The following CNTNAP2 variants were observed in gnomAD, a reference collection of about 807,000 sequenced individuals.
The protein encoded by CNTNAP2 is contactin associated protein 2.
A neutral mutation model predicts 155.2 loss-of-function variants in CNTNAP2; 98 were observed. The ratio of observed to expected loss-of-function variants is 0.63; its 90% CI spans 0.54 to 0.75. CNTNAP2 has a LOEUF of 0.75. Among genes scored for constraint, CNTNAP2 ranks in the 30% least tolerant of loss-of-function variants. The pLI is 0.00. For missense variants in CNTNAP2, 1,727 were observed against 1,688.1 expected (o/e 1.02, Z -0.40); for synonymous variants, 651 against 631.2 (o/e 1.03, Z -0.47).
At chr7:148,074,614 G>T (rs1260115913) in intron 15 of CNTNAP2, among the ~76,000 whole-genome samples, 1 of 151,998 alleles carries the variant, frequency 6.6e-6, no homozygotes, top group Non-Finnish European at 1.5e-5. Context: ...GCTTGAACTC[G>T]GAGGTGGAGG....
At chr7:148,171,297 C>T (rs540636831) in intron 17 of CNTNAP2, among the ~76,000 whole-genome samples, 3 of 152,254 alleles carry the variant, frequency 2.0e-5, no homozygotes, top group East Asian at 1.9e-4. Context: ...TTTCTAAATG[C>T]TCATCACCTA....
At chr7:146,612,626 T>C (rs140793108) in intron 1 of CNTNAP2, among the ~76,000 whole-genome samples, 3 of 151,960 alleles carry the variant, frequency 2.0e-5, no homozygotes, top group African/African-American at 7.3e-5. Context: ...TTCTTTAAGA[T>C]GTCATTTTTA....
chr7:148,127,827 T>A (rs1804746356), intron 16 of CNTNAP2, among the ~76,000 whole-genome samples: 1 of 152,224 alleles, frequency 6.6e-6, no homozygotes, highest in Admixed American at 6.5e-5. Flanking sequence ...TTGTGTTTTT[T>A]ATTAGTACAA....
chr7:147,246,042 T>TGGATATATATATACACATATATATG (rs1804053768), intron 8 of CNTNAP2, among the ~76,000 whole-genome samples: 1 of 106,550 alleles, frequency 9.4e-6, no homozygotes, highest in Non-Finnish European at 1.7e-5. Context: ...ACATATAACG[T>TGGATATATATATACACATATATATG]GCATATATAT....
intron 12 of CNTNAP2, among the ~76,000 whole-genome samples, chr7:147,626,827 C>A (rs9886242): frequency 0.09 from 13,629 of 152,110 alleles, 1,686 homozygotes; most frequent in African/African-American, 0.26. Context: ...GAGCGTGTCC[C>A]TGTGAAAACA....
chr7:147,424,351 G>C (rs989523823), intron 10 of CNTNAP2, among the ~76,000 whole-genome samples: 1 of 152,126 alleles, frequency 6.6e-6, no homozygotes, highest in Non-Finnish European at 1.5e-5. Flanking sequence ...CAATCTGCAT[G>C]CTGCTAAATC....
intron 3 of CNTNAP2, among the ~76,000 whole-genome samples, chr7:146,899,231 T>C (rs1401825892): frequency 6.6e-6 from 1 of 152,204 alleles, no homozygotes. Context: ...TTTAATCTCA[T>C]GTTGCTGACT....
At chr7:146,753,740 T>A (rs2129182869) in intron 1 of CNTNAP2, among the ~76,000 whole-genome samples, 1 of 152,222 alleles carries the variant, frequency 6.6e-6, no homozygotes, top group South Asian at 2.1e-4. Context: ...GTTTCCATCT[T>A]TTAGAACATT....
At chr7:146,426,185 C>CAAAAAAAAAAAAAAAAAAAAAAAAA (rs57484419) in intron 1 of CNTNAP2, among the ~76,000 whole-genome samples, 2 of 54,634 alleles carry the variant, frequency 3.7e-5, no homozygotes, top group African/African-American at 1.5e-4. Context: ...GACTTCGCCT[C>CAAAAAAAAAAAAAAAAAAAAAAAAA]AAAAAAAAAA....
intron 4 of CNTNAP2, among the ~76,000 whole-genome samples, chr7:147,107,878 ACC>A (rs1800798619): frequency 6.6e-6 from 1 of 152,124 alleles, no homozygotes; most frequent in Non-Finnish European, 1.5e-5. Flanking sequence ...GAAGCATATA[ACC>A]CATTGAATTT....
intron 1 of CNTNAP2, among the ~76,000 whole-genome samples, chr7:146,721,469 A>T (rs1256145940): frequency 3.0e-4 from 39 of 128,972 alleles, no homozygotes; most frequent in Non-Finnish European, 5.4e-4. Flanking sequence ...TTTTATATAC[A>T]TTCTATATAT....
chr7:148,097,127 C>T (rs893177713), intron 15 of CNTNAP2, among the ~76,000 whole-genome samples: 6 of 151,782 alleles, frequency 4.0e-5, no homozygotes, highest in African/African-American at 7.3e-5. Context: ...ATGGGAAAAC[C>T]GAACCCTTCC....
intron 20 of CNTNAP2, among the ~76,000 whole-genome samples, chr7:148,233,430 A>G (rs142706631): frequency 1.7e-3 from 266 of 152,374 alleles, no homozygotes; most frequent in African/African-American, 6.2e-3. Flanking sequence ...TCAGGTCACA[A>G]GGTCTTACCA....
chr7:146,248,668 C>T (rs1027446506), intron 1 of CNTNAP2, among the ~76,000 whole-genome samples: 4 of 152,060 alleles, frequency 2.6e-5, no homozygotes, highest in South Asian at 4.1e-4. Flanking sequence ...GGCTGCTTAC[C>T]GGATTTTAAA....
chr7:147,551,060 A>T (rs142862296), intron 11 of CNTNAP2, among the ~76,000 whole-genome samples: 54 of 152,316 alleles, frequency 3.5e-4, no homozygotes, highest in African/African-American at 1.3e-3. Context: ...AGCAAAAATT[A>T]TGATATGGTT....
At chr7:146,234,240 G>C (rs553338063) in intron 1 of CNTNAP2, among the ~76,000 whole-genome samples, 53 of 152,228 alleles carry the variant, frequency 3.5e-4, no homozygotes, top group Admixed American at 3.2e-3. Flanking sequence ...TTTCTCATGT[G>C]TTTTTTGGCT....
At chr7:147,798,821 AAGG>A (rs966315670) in intron 13 of CNTNAP2, among the ~76,000 whole-genome samples, 1 of 152,134 alleles carries the variant, frequency 6.6e-6, no homozygotes, top group African/African-American at 2.4e-5. Context: ...GGGAAGGAAA[AAGG>A]AGAGCAGAGA....
intron 3 of CNTNAP2, among the ~76,000 whole-genome samples, chr7:146,950,459 A>C (rs1797286221): frequency 6.6e-6 from 1 of 151,896 alleles, no homozygotes; most frequent in South Asian, 2.1e-4. Context: ...CCCCACCACC[A>C]ACAGGCACCG....
chr7:148,285,795 G>A (rs141098993), intron 21 of CNTNAP2, among the ~76,000 whole-genome samples: 2,587 of 152,270 alleles, frequency 0.017, 34 homozygotes, highest in South Asian at 0.03. Context: ...TGAGAGATAG[G>A]CATAGTACAG....
Sources: allele counts gnomAD v4.1 joint callset (sites outside exome capture counted in the v4.1 genomes callset), GRCh38; gene constraint gnomAD v4.1.1; transcripts MANE v1.5; gene names NCBI Gene and HGNC (gene_info 2026-07-23, HGNC 2026-07-21).